Variants in SAMSN1 observed in about 807,000 individuals in gnomAD.
The protein encoded by SAMSN1 is SAM domain, SH3 domain and nuclear localization signals 1.
SAMSN1 carries 31 observed loss-of-function variants against 42.0 expected under a neutral mutation model. That is an observed-to-expected ratio of 0.74 (90% CI 0.55 to 1.00). SAMSN1 has a LOEUF of 1.00. Ranked by LOEUF, SAMSN1 falls within the 50% of genes least tolerant of loss-of-function variation. The pLI is 0.00. For missense variants in SAMSN1, 464 were observed against 439.4 expected (o/e 1.06, Z -0.50); for synonymous variants, 178 against 151.9 (o/e 1.17, Z -1.26).
Position 14,553,920 on chromosome 21 carries a change from A to G in SAMSN1, c.261+28216T>C, listed in dbSNP as rs139733571. Reference sequence around the variant, plus strand: ...TATTTAAAAACTTCTCTTTAGGCCTATGTTCCCTTGATAAGTTCTTCATCT... The same window carrying G: ...TATTTAAAAACTTCTCTTTAGGCCTGTGTTCCCTTGATAAGTTCTTCATCT... On this transcript the variant is annotated intron_variant, in intron 2 of 8. Transcript: ENST00000285670. Among the ~76,000 whole-genome samples, 41 of 152,134 alleles carry G rather than the reference A, an allele frequency of 2.7e-4. No individual in the cohort carries two copies. In the East Asian group the frequency reaches 7.1e-3, roughly 27 times the overall value.
At chr21:14,567,648 G>A (rs1981165243) in intron 2 of SAMSN1, among the ~76,000 whole-genome samples, 1 of 152,044 alleles carries the variant, frequency 6.6e-6, no homozygotes, top group Admixed American at 6.6e-5. Flanking sequence ...CATTACCAAG[G>A]GACACCCAGT....
At chr21:14,534,111 G>A (rs1012534151) in intron 1 of SAMSN1, among the ~76,000 whole-genome samples, 22 of 152,156 alleles carry the variant, frequency 1.4e-4, no homozygotes, top group Admixed American at 6.5e-5. Context: ...TTTGTTGTGG[G>A]TGTTACCCAG....
At chr21:14,522,365 T>G (rs1458097668) in intron 1 of SAMSN1, among the ~76,000 whole-genome samples, 1 of 152,230 alleles carries the variant, frequency 6.6e-6, no homozygotes, top group Non-Finnish European at 1.5e-5. Flanking sequence ...TGATGTTGGG[T>G]TCTTTGTGTA....
intron 1 of SAMSN1, among the ~76,000 whole-genome samples, chr21:14,652,600 G>T (rs1409682583): frequency 6.6e-6 from 1 of 151,984 alleles, no homozygotes; most frequent in African/African-American, 2.4e-5. Flanking sequence ...GAAAACATTA[G>T]GGAAAATCTT....
At chr21:14,502,167 A>G (rs540883051) in intron 5 of SAMSN1, among the ~76,000 whole-genome samples, 201 of 152,302 alleles carry the variant, frequency 1.3e-3, no homozygotes, top group African/African-American at 4.7e-3. Context: ...CTAAAAAACA[A>G]ATTTTACTTG....
intron 2 of SAMSN1, among the ~76,000 whole-genome samples, chr21:14,565,104 G>A (rs912439607): frequency 2.0e-5 from 3 of 152,106 alleles, no homozygotes; most frequent in Middle Eastern, 3.4e-3. Flanking sequence ...AGACCAGCCT[G>A]GCCAACATGG....
chr21:14,624,938 TG>T (rs1035549592), intron 2 of SAMSN1, among the ~76,000 whole-genome samples: 10 of 152,286 alleles, frequency 6.6e-5, no homozygotes, highest in South Asian at 4.1e-4. Flanking sequence ...CATGATCAAG[TG>T]GGCTTTGTCC....
chr21:14,621,671 C>T (rs1375957077), intron 2 of SAMSN1, among the ~76,000 whole-genome samples: 1 of 152,228 alleles, frequency 6.6e-6, no homozygotes, highest in Non-Finnish European at 1.5e-5. Flanking sequence ...GGAGGCCTGC[C>T]TGCCTCTGTA....
chr21:14,558,989 C>G (rs1032606360), intron 2 of SAMSN1, among the ~76,000 whole-genome samples: 1 of 152,146 alleles, frequency 6.6e-6, no homozygotes, highest in Admixed American at 6.5e-5. Context: ...GCAAAGCATT[C>G]ATTGAAATGA....
chr21:14,487,300 C>G (rs1188500778), intron 7 of SAMSN1, among the ~76,000 whole-genome samples: 3 of 151,844 alleles, frequency 2.0e-5, no homozygotes, highest in Admixed American at 1.3e-4. Flanking sequence ...TATTATAATG[C>G]TAATTAATTT....
rs570381338 is a variant in SAMSN1 at position 14,561,574 on chromosome 21, A to C, written c.261+20562T>G. Reference sequence around the variant, plus strand: ...GGTGTTAGTTTACAGCCAGATTCTGAAGCATTTGGATGGCATGTGTTATGG... The same window carrying C: ...GGTGTTAGTTTACAGCCAGATTCTGCAGCATTTGGATGGCATGTGTTATGG... On this transcript the variant is annotated intron_variant, in intron 2 of 8. Transcript: ENST00000285670. Among the ~76,000 whole-genome samples, 4 of 152,294 alleles carry C rather than the reference A, an allele frequency of 2.6e-5. No individual in the cohort carries two copies. In the South Asian group the frequency reaches 8.3e-4, roughly 32 times the overall value.
At chr21:14,602,146 G>A (rs1225798717) in intron 5 of SAMSN1, 2 of 504,992 alleles carry the variant, frequency 4.0e-6, no homozygotes, top group Non-Finnish European at 3.7e-6. Flanking sequence ...GACATTACAG[G>A]ATTTAGGAAG....
intron 1 of SAMSN1, among the ~76,000 whole-genome samples, chr21:14,527,565 T>G (rs991728933): frequency 6.6e-6 from 1 of 152,152 alleles, no homozygotes; most frequent in African/African-American, 2.4e-5. Context: ...CTATTCTATC[T>G]CTCTGGTTCA....
intron 1 of SAMSN1, among the ~76,000 whole-genome samples, chr21:14,657,776 G>A (rs895215104): frequency 2.6e-5 from 4 of 151,734 alleles, no homozygotes; most frequent in African/African-American, 9.7e-5. Flanking sequence ...TGGGCAACAA[G>A]AACTCGATGA....
chr21:14,537,833 T>A (rs1979730652), intron 1 of SAMSN1, among the ~76,000 whole-genome samples: 1 of 152,190 alleles, frequency 6.6e-6, no homozygotes, highest in South Asian at 2.1e-4. Context: ...AAATGTATGT[T>A]TTCATTTCGT....
chr21:14,556,972 T>C (rs927921708), intron 2 of SAMSN1, among the ~76,000 whole-genome samples: 1 of 152,188 alleles, frequency 6.6e-6, no homozygotes, highest in African/African-American at 2.4e-5. Context: ...AAAATAATAA[T>C]AATAACTGAT....
chr21:14,522,954 T>C (rs1252929651), intron 1 of SAMSN1, among the ~76,000 whole-genome samples: 1 of 152,030 alleles, frequency 6.6e-6, no homozygotes, highest in Non-Finnish European at 1.5e-5. Flanking sequence ...CCAATGCCAA[T>C]TGACCTGGAA....
chr21:14,534,359 G>A (rs1979460025), intron 1 of SAMSN1, among the ~76,000 whole-genome samples: 1 of 152,150 alleles, frequency 6.6e-6, no homozygotes, highest in African/African-American at 2.4e-5. Context: ...TCCCAGGGAT[G>A]CAAATATGAG....
chr21:14,494,774 C>A (rs1233261615), intron 7 of SAMSN1, among the ~76,000 whole-genome samples: 1 of 151,454 alleles, frequency 6.6e-6, no homozygotes, highest in Non-Finnish European at 1.5e-5. Context: ...TGCTATCTAT[C>A]TTGGGCTAAG....
Sources: allele counts gnomAD v4.1 joint callset (sites outside exome capture counted in the v4.1 genomes callset), GRCh38; gene constraint gnomAD v4.1.1; transcripts MANE v1.5; gene names NCBI Gene and HGNC (gene_info 2026-07-23, HGNC 2026-07-21).